CACNA1D: variants seen among roughly 807,000 people sequenced by gnomAD.
The protein encoded by CACNA1D is voltage-dependent L-type calcium channel subunit alpha-1D.
A neutral mutation model predicts 257.1 loss-of-function variants in CACNA1D; 55 were observed. The ratio of observed to expected loss-of-function variants is 0.21; its 90% CI spans 0.17 to 0.27. The LOEUF (loss-of-function observed/expected upper bound fraction) is 0.27. Among genes scored for constraint, CACNA1D ranks in the 10% least tolerant of loss-of-function variants. The pLI is 1.00. For synonymous variants in CACNA1D, 980 were observed against 1,014.9 expected (o/e 0.97, Z 0.65); for missense variants, 1,876 against 2,784.0 (o/e 0.67, Z 7.34).
At chr3:53,686,614 A>G (rs891187391) in intron 8 of CACNA1D, among the ~76,000 whole-genome samples, 6 of 152,198 alleles carry the variant, frequency 3.9e-5, no homozygotes, top group Admixed American at 1.3e-4. Flanking sequence ...ATTACTAACA[A>G]TATTCTATAA....
At chr3:53,527,760 T>C (rs2091816400) in intron 3 of CACNA1D, among the ~76,000 whole-genome samples, 1 of 152,226 alleles carries the variant, frequency 6.6e-6, no homozygotes, top group African/African-American at 2.4e-5. Flanking sequence ...TTATTTGAGA[T>C]AAATGGAGTG....
intron 3 of CACNA1D, among the ~76,000 whole-genome samples, chr3:53,555,482 T>TTTC (rs869099090): frequency 5.6e-5 from 8 of 142,462 alleles, no homozygotes; most frequent in African/African-American, 2.1e-4. Flanking sequence ...TTTTTTTTTT[T>TTTC]CTGAGGTACT....
intron 3 of CACNA1D, among the ~76,000 whole-genome samples, chr3:53,630,450 T>G (rs1217215668): frequency 6.6e-6 from 1 of 152,250 alleles, no homozygotes; most frequent in African/African-American, 2.4e-5. Context: ...AACAACTCTT[T>G]CTTTTGCACT....
chr3:53,678,422 A>AT (rs2094396693), intron 8 of CACNA1D, among the ~76,000 whole-genome samples: 1 of 152,242 alleles, frequency 6.6e-6, no homozygotes, highest in Admixed American at 6.5e-5. Flanking sequence ...ATTAATTTGT[A>AT]TTCTTGGTGT....
chr3:53,765,662 C>T (rs569899071), intron 30 of CACNA1D: 1 of 152,678 alleles, frequency 6.5e-6, no homozygotes, highest in Non-Finnish European at 1.5e-5. Context: ...GTCAGTCACA[C>T]TTGGCTCTGT....
At chr3:53,591,298 G>C (rs781391131) in intron 3 of CACNA1D, among the ~76,000 whole-genome samples, 1 of 151,980 alleles carries the variant, frequency 6.6e-6, no homozygotes, top group Non-Finnish European at 1.5e-5. Flanking sequence ...TGTTGCCAAG[G>C]CTGGAATGCA....
At chr3:53,516,053 G>A (rs1309162924) in intron 3 of CACNA1D, among the ~76,000 whole-genome samples, 1 of 152,152 alleles carries the variant, frequency 6.6e-6, no homozygotes, top group Non-Finnish European at 1.5e-5. Flanking sequence ...ACCTCCCTTG[G>A]TCTGGCTTCC....
intron 9 of CACNA1D, among the ~76,000 whole-genome samples, chr3:53,709,686 A>G (rs751048415): frequency 6.6e-6 from 1 of 152,186 alleles, no homozygotes; most frequent in Non-Finnish European, 1.5e-5. Context: ...TCATGGAATC[A>G]TGGGGCTGCA....
At position 53,673,047 on chromosome 3, in the gene CACNA1D, T is replaced by C. The variant is rs537283195; in HGVS notation, c.1141T>C (p.Leu381=). Residue 381 remains leucine (L), a synonymous_variant, in exon 8 of 48, where the codon TTG becomes CTG. Transcript: ENST00000350061. The surrounding 1 kb of genome is among the most constrained non-coding windows in gnomAD (Gnocchi z 4.1). ...GATGAATGATGCTATGGGATTTGAA[T>C]TGCCCTGGGTGTATTTTGTCAGTCT... ...YWMNDAMGFE[L]PWVYFVSLVI... 2 of 1,552,052 alleles carry C rather than the reference T, an allele frequency of 1.3e-6. No individual in the cohort carries two copies. Among genetic ancestry groups the C allele is most frequent in the African/African-American group, 1.4e-5 (1 of 73,204 alleles).
Position 53,659,527 on chromosome 3 carries a change from A to G in CACNA1D, c.624-606A>G, listed in dbSNP as rs887418568. On this transcript the variant is annotated intron_variant, in intron 4 of 47. Transcript: ENST00000350061. ...TACTTCCTATGTGTCAGATACTGTA[A>G]TAGGCACTAGACTAGAACAGACCAC... Among the ~76,000 whole-genome samples, 7 of 152,234 alleles carry G rather than the reference A, an allele frequency of 4.6e-5. No homozygotes were observed. The South Asian group carries it at 1.0e-3, about 23-fold the overall frequency.
At chr3:53,526,804 AT>A (rs2091781866) in intron 3 of CACNA1D, among the ~76,000 whole-genome samples, 1 of 152,204 alleles carries the variant, frequency 6.6e-6, no homozygotes, top group Admixed American at 6.5e-5. Flanking sequence ...AAATGAAGTG[AT>A]TTGAGTAAGG....
At chr3:53,703,294 G>T (rs1348938584) in intron 9 of CACNA1D, among the ~76,000 whole-genome samples, 2 of 152,188 alleles carry the variant, frequency 1.3e-5, no homozygotes. Context: ...TAGCCCATCA[G>T]GGGCTGGGAG....
chr3:53,749,600 C>A, intron 27 of CACNA1D, 131 bp downstream of exon 27: 1 of 712,850 alleles, frequency 1.4e-6, no homozygotes, highest in Non-Finnish European at 2.5e-6. Flanking sequence ...GGGCCCTGTT[C>A]TAAGCACACC....
chr3:53,782,895 C>T (rs1197596275), intron 39 of CACNA1D: 1 of 152,188 alleles, frequency 6.6e-6, no homozygotes, highest in Non-Finnish European at 1.5e-5. Context: ...AGCTGCACAC[C>T]TAAGAGCTTG....
chr3:53,570,878 G>T (rs2092930506), intron 3 of CACNA1D, among the ~76,000 whole-genome samples: 1 of 152,240 alleles, frequency 6.6e-6, no homozygotes, highest in African/African-American at 2.4e-5. Context: ...AGTGAGCTTG[G>T]AGCTGGGCAT....
At chr3:53,657,647 ATG>A (rs2108312247) in intron 4 of CACNA1D, among the ~76,000 whole-genome samples, 1 of 152,356 alleles carries the variant, frequency 6.6e-6, no homozygotes, top group South Asian at 2.1e-4. Flanking sequence ...TATCTAAAAT[ATG>A]TATGAAATTG....
At chr3:53,608,925 A>G (rs2093548157) in intron 3 of CACNA1D, among the ~76,000 whole-genome samples, 2 of 152,126 alleles carry the variant, frequency 1.3e-5, no homozygotes, top group African/African-American at 4.8e-5. Context: ...CATGAGGGAT[A>G]TTGGTTTATA....
At position 53,494,923 on chromosome 3, in the gene CACNA1D, A is replaced by T. The variant is rs1457282240; in HGVS notation, c.-244A>T. 3.5e-5 allele frequency: 18 copies of T among 516,790 alleles called. No individual in the cohort carries two copies. Among genetic ancestry groups the T allele is most frequent in the East Asian group, 3.4e-4 (10 of 29,282 alleles). 32.0% of individuals were successfully genotyped at this position (516,790 alleles called of 1,614,324 possible). On this transcript the variant is annotated 5_prime_UTR_variant, in exon 1 of 48. Transcript: ENST00000350061. ...TATATACATTGGATTTTATTTTTTT[A>T]AAAAGTTTATTTTGCTCCATTTTTG...
intron 3 of CACNA1D, among the ~76,000 whole-genome samples, chr3:53,547,750 C>T (rs370145876): frequency 6.6e-6 from 1 of 152,134 alleles, no homozygotes; most frequent in East Asian, 1.9e-4. Flanking sequence ...TGTCATGACC[C>T]AACCATGGCA....
Sources: allele counts gnomAD v4.1 joint callset (sites outside exome capture counted in the v4.1 genomes callset), GRCh38; gene constraint gnomAD v4.1.1; non-coding constraint Gnocchi (gnomAD v3.1); transcripts MANE v1.5; gene names NCBI Gene and HGNC (gene_info 2026-07-23, HGNC 2026-07-21).